KDM6A: variants seen among roughly 807,000 people sequenced by gnomAD.
KDM6A encodes the protein lysine-specific demethylase 6A.
In KDM6A, 11 loss-of-function variants were observed where a neutral mutation model predicts 117.6. The observed-to-expected ratio is 0.09, with a 90% CI of 0.06 to 0.15. The LOEUF is 0.15. Among genes scored for constraint, KDM6A ranks in the 10% least tolerant of loss-of-function variants. The pLI is 1.00. For missense variants in KDM6A, 799 were observed against 1,077.3 expected (o/e 0.74, Z 3.62); for synonymous variants, 384 against 396.1 (o/e 0.97, Z 0.36).
At chrX:45,043,512 C>G (rs1413609133) in intron 8 of KDM6A, among the ~76,000 whole-genome samples, 2 of 111,059 alleles carry the variant, frequency 1.8e-5, no homozygotes, top group African/African-American at 6.6e-5. Flanking sequence ...TGTGGTGACT[C>G]ACACCTGTAA....
chrX:44,911,712 G>A (rs1021153039), intron 2 of KDM6A, among the ~76,000 whole-genome samples: 3 of 111,573 alleles, frequency 2.7e-5, no homozygotes, highest in Non-Finnish European at 3.8e-5. Context: ...CCGAGATCAC[G>A]CCACTGCACT....
At chrX:45,018,973 C>T (rs2042074216) in intron 5 of KDM6A, among the ~76,000 whole-genome samples, 1 of 111,650 alleles carries the variant, frequency 9.0e-6, no homozygotes, top group Non-Finnish European at 1.9e-5. Context: ...GTAATCACCA[C>T]CTCCATCAAG....
At chrX:44,991,333 C>T (rs977289686) in intron 4 of KDM6A, among the ~76,000 whole-genome samples, 2 of 109,553 alleles carry the variant, frequency 1.8e-5, no homozygotes, top group Admixed American at 2.0e-4. Context: ...CTCTCTCTCT[C>T]TCTCTTTCTC....
intron 3 of KDM6A, among the ~76,000 whole-genome samples, chrX:44,968,746 G>C (rs930412744): frequency 9.0e-5 from 10 of 111,358 alleles, no homozygotes; most frequent in African/African-American, 2.0e-4. Context: ...CGAGGCGGGC[G>C]GATCACCTGA....
Position 44,873,432 on chromosome X carries a change from C to A in KDM6A, c.-120C>A. Reference sequence around the variant, plus strand: ...GATTTTTCGTCGCCGCCGCCCGCGGCGGAGGAGGAGGCGGCGATAAAGTTG... The same window carrying A: ...GATTTTTCGTCGCCGCCGCCCGCGGAGGAGGAGGAGGCGGCGATAAAGTTG... On this transcript the variant is annotated 5_prime_UTR_variant, in exon 1 of 30. Coordinates refer to ENST00000611820, the MANE Select transcript of KDM6A (RefSeq NM_001291415.2). 9.8e-7 allele frequency: 1 copy of A among 1,024,461 alleles called. No homozygotes were observed. The highest frequency in any genetic ancestry group is 1.3e-6 in the Non-Finnish European group (1 of 749,349). 84.4% of individuals were successfully genotyped at this position (1,024,461 alleles called of 1,213,427 possible). A position where few individuals can be genotyped will look rare whatever the true frequency, so the allele number is the denominator to read the frequency against.
chrX:44,996,295 G>A (rs376090164), intron 4 of KDM6A, among the ~76,000 whole-genome samples: 7 of 109,406 alleles, frequency 6.4e-5, no homozygotes, highest in Non-Finnish European at 9.5e-5. Context: ...GGCTGGTCTC[G>A]AACTCCTGGT....
chrX:44,904,939 T>C (rs757785675), intron 2 of KDM6A, among the ~76,000 whole-genome samples: 1 of 112,323 alleles, frequency 8.9e-6, no homozygotes, highest in Non-Finnish European at 1.9e-5. Context: ...ATAAAGTTAA[T>C]TCTGAAACTA....
intron 6 of KDM6A, among the ~76,000 whole-genome samples, chrX:45,023,276 C>T (rs372019187): frequency 8.9e-6 from 1 of 111,756 alleles, no homozygotes; most frequent in East Asian, 2.8e-4. Flanking sequence ...TTTCCTTTCC[C>T]TCTGCCCAAG....
At chrX:44,918,525 A>G (rs984294978) in intron 2 of KDM6A, among the ~76,000 whole-genome samples, 6 of 111,769 alleles carry the variant, frequency 5.4e-5, no homozygotes, top group Admixed American at 2.9e-4. Flanking sequence ...ATATGAGAAG[A>G]ATAAGAATGC....
chrX:44,983,452 G>A (rs1228810552), intron 4 of KDM6A, among the ~76,000 whole-genome samples: 1 of 111,034 alleles, frequency 9.0e-6, no homozygotes, highest in African/African-American at 3.3e-5. Context: ...TAGGGTACAT[G>A]TGCACAACGT....
intron 5 of KDM6A, among the ~76,000 whole-genome samples, chrX:45,019,296 AACAGATGGAT>A (rs761954880): frequency 1.9e-3 from 210 of 111,520 alleles, no homozygotes; most frequent in African/African-American, 6.6e-3. Context: ...AAATCCACCT[AACAGATGGAT>A]ACCCAGCTCC....
chrX:44,940,592 C>T (rs981899467), intron 2 of KDM6A, among the ~76,000 whole-genome samples: 2 of 111,576 alleles, frequency 1.8e-5, no homozygotes, highest in African/African-American at 3.3e-5. Context: ...GAGAAGATGT[C>T]TTCTAACTAC....
Position 44,980,292 on chromosome X carries a change from C to G in KDM6A, c.384+5577C>G, listed in dbSNP as rs1008324124. ...TATAGGCATGAGCCACCGCCCGCAT[C>G]TGGCCCCAAGTTCCCTGTATTCTTT... On this transcript the variant is annotated intron_variant, in intron 4 of 29. Transcript: ENST00000611820. Among the ~76,000 whole-genome samples, 5 of 111,811 alleles carry G rather than the reference C, an allele frequency of 4.5e-5. No homozygotes were observed. In the Middle Eastern group the frequency reaches 0.014, roughly 311 times the overall value.
chrX:45,090,900 T>C (rs2045867044), intron 27 of KDM6A, 36 bp downstream of exon 27: 1 of 1,190,904 alleles, frequency 8.4e-7, no homozygotes, highest in Non-Finnish European at 1.1e-6. Context: ...GTCCCTCTCT[T>C]TTTGGGGAGT....
chrX:45,024,417 G>A (rs2042284361), intron 6 of KDM6A, among the ~76,000 whole-genome samples: 1 of 111,482 alleles, frequency 9.0e-6, no homozygotes, highest in African/African-American at 3.3e-5. Context: ...CCCTATGTTC[G>A]TTGGCCATTT....
intron 3 of KDM6A, among the ~76,000 whole-genome samples, chrX:44,962,281 GAGAC>G (rs1451708760): frequency 8.9e-6 from 1 of 112,042 alleles, no homozygotes; most frequent in Non-Finnish European, 1.9e-5. Flanking sequence ...ATTTTAGTCT[GAGAC>G]AGGCATATTC....
intron 7 of KDM6A, among the ~76,000 whole-genome samples, chrX:45,036,290 T>G (rs1425043263): frequency 2.7e-5 from 3 of 111,504 alleles, no homozygotes; most frequent in Non-Finnish European, 5.6e-5. Flanking sequence ...AAAAGTAGTC[T>G]TAGTCTTTAG....
intron 3 of KDM6A, among the ~76,000 whole-genome samples, chrX:44,965,575 G>A (rs2038966371): frequency 8.9e-6 from 1 of 111,820 alleles, no homozygotes; most frequent in Non-Finnish European, 1.9e-5. Context: ...AGAGACTAGG[G>A]AATGGCCTGT....
At chrX:44,931,509 C>T (rs185373210) in intron 2 of KDM6A, among the ~76,000 whole-genome samples, 1 of 111,943 alleles carries the variant, frequency 8.9e-6, no homozygotes, top group East Asian at 2.8e-4. Context: ...CATATACATA[C>T]AGTGAAATAT....
Sources: gnomAD v4.1 joint callset for allele counts (sites outside exome capture counted in the v4.1 genomes callset) on GRCh38, gnomAD v4.1.1 for gene constraint, MANE v1.5 for transcripts, NCBI Gene and HGNC (gene_info 2026-07-23, HGNC 2026-07-21) for gene names.